The following MIGA1 variants were observed in gnomAD, a reference collection of about 807,000 sequenced individuals.
MIGA1 encodes family with sequence similarity 73, member A.
In MIGA1, 58 loss-of-function variants were observed where a neutral mutation model predicts 82.0. The ratio of observed to expected loss-of-function variants is 0.71; its 90% CI spans 0.57 to 0.88. MIGA1 has a LOEUF of 0.88. MIGA1 is among the 40% of genes least tolerant of loss of function. MIGA1 has a pLI of 0.00. For missense variants in MIGA1, 751 were observed against 749.1 expected, an observed-to-expected ratio of 1.00 and a Z score of -0.03; for synonymous variants, 249 against 253.6, an observed-to-expected ratio of 0.98 and a Z score of 0.17.
chr1:77,800,197 C>T (rs776342902), intron 2 of MIGA1, among the ~76,000 whole-genome samples: 4 of 152,128 alleles, frequency 2.6e-5, no homozygotes, highest in Non-Finnish European at 5.9e-5. Flanking sequence ...GTATTTTCTA[C>T]GAGTGCCTGG....
At chr1:77,827,720 T>G (rs1684086672) in intron 7 of MIGA1, among the ~76,000 whole-genome samples, 1 of 152,160 alleles carries the variant, frequency 6.6e-6, no homozygotes, top group African/African-American at 2.4e-5. Flanking sequence ...TAGTGAACAT[T>G]AATTTTATCT....
At chr1:77,789,014 C>G (rs1460856963) in intron 2 of MIGA1, among the ~76,000 whole-genome samples, 1 of 152,006 alleles carries the variant, frequency 6.6e-6, no homozygotes, top group African/African-American at 2.4e-5. Context: ...GACATCTTAA[C>G]AATGTTAAGT....
intron 7 of MIGA1, among the ~76,000 whole-genome samples, chr1:77,834,512 G>A (rs1452141855): frequency 6.6e-6 from 1 of 151,976 alleles, no homozygotes; most frequent in African/African-American, 2.4e-5. Context: ...GGATTTTATT[G>A]TTTCTCTTTT....
In MIGA1 at chr1:77,781,057, A is replaced by T. The variant is rs541325452; in HGVS notation, c.81+1321A>T. ...GAGTAGCTGGGATTACAGGCGCCCG[A>T]CATCACTCCTGGCTAATTTTTTTGT... On this transcript the variant is annotated intron_variant, in intron 1 of 15. Coordinates refer to ENST00000370791, the MANE Select transcript of MIGA1 (RefSeq NM_198549.4). Among the ~76,000 whole-genome samples the T allele has an allele frequency of 7.0e-4, 106 of 151,500 alleles. 1 individual carries two copies. Among genetic ancestry groups the T allele is most frequent in the Non-Finnish European group, 8.4e-4 (57 of 67,814 alleles).
At chr1:77,783,690 A>G (rs1682020559) in intron 2 of MIGA1, among the ~76,000 whole-genome samples, 1 of 152,232 alleles carries the variant, frequency 6.6e-6, no homozygotes, top group Non-Finnish European at 1.5e-5. Flanking sequence ...TACAAATAAC[A>G]TAAAATTGAC....
rs182759052 is a variant in MIGA1, at chr1:77,826,929, C to T, written c.895+11698C>T. On this transcript the variant is annotated intron_variant, in intron 7 of 15. Coordinates refer to ENST00000370791, the MANE Select transcript of MIGA1 (RefSeq NM_198549.4). Reference sequence around the variant, plus strand: ...AAGTGATTCTCCTGCCTCAGCCTCCCGAGTAACTGGGATTAAAAGCGCCCG... The same window carrying T: ...AAGTGATTCTCCTGCCTCAGCCTCCTGAGTAACTGGGATTAAAAGCGCCCG... Among the ~76,000 whole-genome samples the T allele has an allele frequency of 2.9e-3, 440 of 151,784 alleles. 8 individuals are homozygous for T. The highest frequency in any genetic ancestry group is 9.8e-3 in the African/African-American group (407 of 41,372).
intron 5 of MIGA1, among the ~76,000 whole-genome samples, chr1:77,812,913 A>T (rs547873734): frequency 6.6e-6 from 1 of 152,286 alleles, no homozygotes; most frequent in African/African-American, 2.4e-5. Flanking sequence ...GGTTCAGGAC[A>T]CCCTTTAAGG....
At chr1:77,867,990 A>C (rs1685740084) in intron 14 of MIGA1, among the ~76,000 whole-genome samples, 2 of 152,134 alleles carry the variant, frequency 1.3e-5, no homozygotes, top group Admixed American at 1.3e-4. Context: ...TTTGATTCTC[A>C]CACTAGCTAG....
intron 7 of MIGA1, among the ~76,000 whole-genome samples, chr1:77,825,878 C>G (rs374317940): frequency 9.9e-5 from 15 of 152,194 alleles, no homozygotes; most frequent in African/African-American, 3.4e-4. Context: ...AATCCTGGCT[C>G]TACCCCTCTT....
chr1:77,801,789 T>C (rs1682895502), intron 3 of MIGA1, among the ~76,000 whole-genome samples: 1 of 152,222 alleles, frequency 6.6e-6, no homozygotes, highest in African/African-American at 2.4e-5. Context: ...TAAAATGTTA[T>C]ATACAAGTAA....
intron 7 of MIGA1, among the ~76,000 whole-genome samples, chr1:77,822,089 T>C (rs939153587): frequency 2.6e-5 from 4 of 152,086 alleles, no homozygotes; most frequent in African/African-American, 9.7e-5. Context: ...GTAGATACAT[T>C]AATTAGCTTG....
chr1:77,860,295 C>G, intron 11 of MIGA1, 169 bp downstream of exon 11: 1 of 543,112 alleles, frequency 1.8e-6, no homozygotes, highest in East Asian at 3.0e-5. Context: ...CACACTATTT[C>G]AACCAAGTTG....
At chr1:77,811,953 A>G (rs1372600282) in intron 5 of MIGA1, among the ~76,000 whole-genome samples, 1 of 152,206 alleles carries the variant, frequency 6.6e-6, no homozygotes, top group Non-Finnish European at 1.5e-5. Context: ...ATGTTTTATG[A>G]GGAAGATTCA....
intron 15 of MIGA1, among the ~76,000 whole-genome samples, chr1:77,873,559 A>G (rs979543877): frequency 1.3e-5 from 2 of 152,222 alleles, no homozygotes; most frequent in Admixed American, 1.3e-4. Context: ...GAATGATAAA[A>G]TCCAAGTTGT....
At chr1:77,823,733 T>C (rs1266109919) in intron 7 of MIGA1, among the ~76,000 whole-genome samples, 1 of 152,154 alleles carries the variant, frequency 6.6e-6, no homozygotes, top group Middle Eastern at 3.2e-3. Context: ...CCTGGCTAAT[T>C]TTTTAATTCT....
At chr1:77,807,484 T>TG (rs756494746) in intron 5 of MIGA1, among the ~76,000 whole-genome samples, 42 of 152,176 alleles carry the variant, frequency 2.8e-4, no homozygotes, top group Non-Finnish European at 5.0e-4. Context: ...ATTAAAAAAC[T>TG]GAATTGTTCT....
At chr1:77,797,937 T>G (rs2101736869) in intron 2 of MIGA1, among the ~76,000 whole-genome samples, 1 of 152,338 alleles carries the variant, frequency 6.6e-6, no homozygotes, top group Non-Finnish European at 1.5e-5. Flanking sequence ...CTTTTATTCC[T>G]GTTTCTTAAT....
intron 7 of MIGA1, among the ~76,000 whole-genome samples, chr1:77,820,426 T>A (rs1385986528): frequency 6.6e-6 from 1 of 152,198 alleles, no homozygotes; most frequent in Non-Finnish European, 1.5e-5. Context: ...TGTGTGATTA[T>A]AAAACCTGTC....
intron 4 of MIGA1, among the ~76,000 whole-genome samples, chr1:77,804,785 A>T (rs1350091720): frequency 6.6e-6 from 1 of 151,540 alleles, no homozygotes; most frequent in African/African-American, 2.4e-5. Context: ...ATGTGTCACC[A>T]CACCCGGGTA....
Sources: gnomAD v4.1 joint callset for allele counts (sites outside exome capture counted in the v4.1 genomes callset) on GRCh38, gnomAD v4.1.1 for gene constraint, MANE v1.5 for transcripts, NCBI Gene and HGNC (gene_info 2026-07-23, HGNC 2026-07-21) for gene names.